ALDH1L1: variants seen among roughly 807,000 people sequenced by gnomAD.
ALDH1L1 encodes aldehyde dehydrogenase 1 family member L1, also known as cytosolic 10-formyltetrahydrofolate dehydrogenase.
In ALDH1L1, 68 loss-of-function variants were observed where a neutral mutation model predicts 101.1. That is an observed-to-expected ratio of 0.67 (90% confidence interval 0.55 to 0.82). The LOEUF (loss-of-function observed/expected upper bound fraction) is 0.82. Ranked by LOEUF, ALDH1L1 falls within the 40% of genes least tolerant of loss-of-function variation. The pLI is 0.00. For synonymous variants in ALDH1L1, 486 were observed against 470.8 expected (o/e 1.03, Z -0.42); for missense variants, 1,087 against 1,172.7 (o/e 0.93, Z 1.07).
At position 126,141,045 on chromosome 3, in the gene ALDH1L1, C is replaced by T. The variant is rs115612933; in HGVS notation, c.1077-3085G>A. Among the ~76,000 whole-genome samples, 646 of 151,990 alleles carry T rather than the reference C, an allele frequency of 4.3e-3. 7 individuals are homozygous for T. Among genetic ancestry groups the T allele is most frequent in the African/African-American group, 0.015 (610 of 41,476 alleles). The stretch of plus-strand genomic sequence containing the variant: ...AAACCCAGCATCCATACATATGCTA[C>T]AAGAGAATCACTTAGATATAATGAT... On this transcript the variant is annotated intron_variant, in intron 9 of 22. Coordinates refer to ENST00000393434, the MANE Select transcript of ALDH1L1 (RefSeq NM_012190.4).
intron 1 of ALDH1L1, chr3:126,197,635 A>G (rs1236903807): frequency 6.6e-6 from 1 of 152,140 alleles, no homozygotes; most frequent in East Asian, 1.9e-4. Flanking sequence ...CTGAGAGCTC[A>G]AAACACAAAT....
At chr3:126,130,944 C>A (rs1476479076) in intron 13 of ALDH1L1, among the ~76,000 whole-genome samples, 1 of 152,210 alleles carries the variant, frequency 6.6e-6, no homozygotes, top group Non-Finnish European at 1.5e-5. Context: ...ACTGCAGGAG[C>A]CCCCAGAAAA....
intron 19 of ALDH1L1, 86 bp downstream of exon 19, chr3:126,112,696 C>T: frequency 7.5e-7 from 1 of 1,328,754 alleles, no homozygotes; most frequent in Non-Finnish European, 1.1e-6. Context: ...CTTGACCCTG[C>T]CCTGTCTCCC....
chr3:126,146,274 T>C (rs11715574), intron 9 of ALDH1L1, among the ~76,000 whole-genome samples: 34,134 of 151,902 alleles, frequency 0.22, 4,708 homozygotes, highest in African/African-American at 0.39. Context: ...GTGCTCACTC[T>C]GAGACCCCCT....
At chr3:126,106,073 G>T (rs1402376325) in intron 21 of ALDH1L1, 148 bp from the exon 22 acceptor site, 4 of 839,824 alleles carry the variant, frequency 4.8e-6, no homozygotes, top group Non-Finnish European at 7.2e-6. Context: ...GCAAGATTGG[G>T]TTGGGTTGGG....
At chr3:126,192,529 G>T (rs968881725) in intron 1 of ALDH1L1, among the ~76,000 whole-genome samples, 1 of 152,180 alleles carries the variant, frequency 6.6e-6, no homozygotes, top group South Asian at 2.1e-4. Flanking sequence ...AACAGATCTC[G>T]TTCAGGAGGT....
intron 12 of ALDH1L1, among the ~76,000 whole-genome samples, chr3:126,133,533 A>G (rs367624224): frequency 2.6e-5 from 4 of 152,194 alleles, no homozygotes; most frequent in African/African-American, 9.7e-5. Flanking sequence ...TGTGTCATCA[A>G]TCCAGTTCCC....
chr3:126,150,911 G>A (rs984426596), intron 7 of ALDH1L1: 2 of 235,940 alleles, frequency 8.5e-6, no homozygotes, highest in Non-Finnish European at 1.7e-5. Context: ...TGATGAAGGT[G>A]TCCCACAAGG....
At chr3:126,131,661 C>T (rs2080310882) in intron 12 of ALDH1L1, 127 bp from the exon 13 acceptor site, 1 of 1,106,688 alleles carries the variant, frequency 9.0e-7, no homozygotes, top group South Asian at 1.7e-5. Flanking sequence ...CTCAGATGTG[C>T]GGACCTCCGT....
chr3:126,107,310 G>A (rs1036577516), intron 20 of ALDH1L1, 64 bp from the exon 21 acceptor site: 32 of 1,382,608 alleles, frequency 2.3e-5, no homozygotes, highest in African/African-American at 5.7e-5. Context: ...CAGCCTCTCC[G>A]TCAGCAGGGC....
intron 9 of ALDH1L1, among the ~76,000 whole-genome samples, chr3:126,140,010 A>G (rs1032156738): frequency 3.9e-5 from 6 of 152,222 alleles, no homozygotes; most frequent in Admixed American, 2.0e-4. Context: ...TAGTGGCCCC[A>G]AAGTTCCCAA....
chr3:126,172,955 A>T (rs1054092386), intron 1 of ALDH1L1, among the ~76,000 whole-genome samples: 1 of 152,204 alleles, frequency 6.6e-6, no homozygotes, highest in Non-Finnish European at 1.5e-5. Context: ...GAATTATTTA[A>T]AGAACTGAAA....
chr3:126,134,900 G>A (rs1018161359), intron 12 of ALDH1L1, among the ~76,000 whole-genome samples: 2 of 152,112 alleles, frequency 1.3e-5, no homozygotes, highest in African/African-American at 4.8e-5. Flanking sequence ...GAGGGTGACT[G>A]CTCCTTCCCG....
chr3:126,127,993 G>A (rs2108227880), intron 14 of ALDH1L1, among the ~76,000 whole-genome samples: 1 of 152,236 alleles, frequency 6.6e-6, no homozygotes, highest in Non-Finnish European at 1.5e-5. Context: ...GTGAGGGCTG[G>A]AGGTGGGACA....
intron 4 of ALDH1L1, chr3:126,156,695 G>A (rs2080914202): frequency 6.6e-6 from 1 of 152,252 alleles, no homozygotes; most frequent in Admixed American, 6.5e-5. Context: ...CTCAGGCCAT[G>A]TGACCACAGG....
chr3:126,175,206 A>T (rs1446816132), intron 1 of ALDH1L1, among the ~76,000 whole-genome samples: 1 of 152,196 alleles, frequency 6.6e-6, no homozygotes, highest in Non-Finnish European at 1.5e-5. Context: ...AGAAATAGAT[A>T]ATCTGAATAG....
At chr3:126,164,410 G>T (rs1003571295) in intron 1 of ALDH1L1, among the ~76,000 whole-genome samples, 6 of 152,220 alleles carry the variant, frequency 3.9e-5, no homozygotes, top group Middle Eastern at 3.4e-3. Flanking sequence ...AGTGTCTGTT[G>T]TTCCCATTTT....
At chr3:126,182,322 T>C (rs975093148), upstream of ALDH1L1, among the ~76,000 whole-genome samples, 4 of 152,122 alleles carry the variant, frequency 2.6e-5, no homozygotes, top group Non-Finnish European at 5.9e-5. Flanking sequence ...AATTTTTGTA[T>C]TTTTAGTAGA....
intron 1 of ALDH1L1, among the ~76,000 whole-genome samples, chr3:126,167,644 T>C (rs1320585207): frequency 2.6e-5 from 4 of 151,778 alleles, no homozygotes; most frequent in Non-Finnish European, 5.9e-5. Context: ...AATGTTAACG[T>C]GGGAGCCAGA....
Sources: allele counts gnomAD v4.1 joint callset (sites outside exome capture counted in the v4.1 genomes callset), GRCh38; gene constraint gnomAD v4.1.1; transcripts MANE v1.5; gene names NCBI Gene and HGNC (gene_info 2026-07-23, HGNC 2026-07-21).